Variants in CFAP210 observed in about 807,000 individuals in gnomAD.
CFAP210 encodes cilia and flagella associated protein 210.
the CFAP210 span, among the ~76,000 whole-genome samples, chr2:169,676,835 G>T: frequency 6.6e-6 from 1 of 152,116 alleles, no homozygotes; most frequent in Non-Finnish European, 1.5e-5. Flanking sequence ...CTGAGTTTAT[G>T]CCTATCTGTA....
the CFAP210 span, chr2:169,654,219 G>C: frequency 1.3e-6 from 2 of 1,558,588 alleles, no homozygotes; most frequent in Non-Finnish European, 1.7e-6. Flanking sequence ...ATGTTCCTTG[G>C]GGGAAAAATT....
At chr2:169,671,511 C>G in the CFAP210 span, among the ~76,000 whole-genome samples, 2 of 152,184 alleles carry the variant, frequency 1.3e-5, no homozygotes, top group Admixed American at 6.5e-5. Flanking sequence ...TCTTGTTGCC[C>G]AGGCTGGAGT....
chr2:169,676,637 T>C, the CFAP210 span, among the ~76,000 whole-genome samples: 1 of 152,300 alleles, frequency 6.6e-6, no homozygotes, highest in African/African-American at 2.4e-5. Flanking sequence ...ATGTTACATA[T>C]ATTAGTCCAT....
chr2:169,691,378 C>G, the CFAP210 span, among the ~76,000 whole-genome samples: 1 of 152,088 alleles, frequency 6.6e-6, no homozygotes. Context: ...TTTACAATAG[C>G]TATAAATTTA....
the CFAP210 span, among the ~76,000 whole-genome samples, chr2:169,688,175 G>A: frequency 1.3e-5 from 2 of 152,334 alleles, no homozygotes; most frequent in African/African-American, 4.8e-5. Context: ...GACAGGAGGG[G>A]CTGCTGTGAA....
At chr2:169,693,645 G>C in the CFAP210 span, among the ~76,000 whole-genome samples, 4,148 of 152,322 alleles carry the variant, frequency 0.027, 77 homozygotes, top group East Asian at 0.1. Flanking sequence ...TTCTTTAGAA[G>C]TCTATTTCTA....
the CFAP210 span, among the ~76,000 whole-genome samples, chr2:169,689,747 C>G: frequency 9.1e-4 from 138 of 152,278 alleles, 3 homozygotes; most frequent in East Asian, 0.026. Flanking sequence ...TTTCATAGGT[C>G]TCCTTCATCA....
chr2:169,676,580 C>T, the CFAP210 span, among the ~76,000 whole-genome samples: 13,283 of 152,120 alleles, frequency 0.087, 620 homozygotes, highest in South Asian at 0.12. Flanking sequence ...CTGGCAACCA[C>T]TGATCTGTTT....
the CFAP210 span, chr2:169,649,244 C>G: frequency 1.2e-3 from 1,863 of 1,613,804 alleles, 5 homozygotes; most frequent in Non-Finnish European, 1.4e-3. Flanking sequence ...CATTTTTTCT[C>G]CTTTTCATGT....
the CFAP210 span, among the ~76,000 whole-genome samples, chr2:169,675,701 T>C: frequency 4.6e-5 from 7 of 152,198 alleles, no homozygotes; most frequent in Admixed American, 1.3e-4. Flanking sequence ...ATCCAAACTA[T>C]ATCACCTTCC....
the CFAP210 span, among the ~76,000 whole-genome samples, chr2:169,669,156 G>T: frequency 1.3e-5 from 2 of 152,160 alleles, no homozygotes; most frequent in Non-Finnish European, 2.9e-5. Context: ...CTCTGAGCTG[G>T]TAAGAGGTCC....
At chr2:169,687,192 T>G in the CFAP210 span, among the ~76,000 whole-genome samples, 1 of 152,276 alleles carries the variant, frequency 6.6e-6, no homozygotes, top group East Asian at 1.9e-4. Context: ...GAGATTTGGG[T>G]GGGGACACAG....
the CFAP210 span, among the ~76,000 whole-genome samples, chr2:169,675,456 G>A: frequency 6.6e-6 from 1 of 152,170 alleles, no homozygotes; most frequent in African/African-American, 2.4e-5. Context: ...AGGCAAAGGG[G>A]GAGCAGGCAT....
the CFAP210 span, chr2:169,646,242 T>A: frequency 5.0e-6 from 6 of 1,206,202 alleles, no homozygotes; most frequent in Non-Finnish European, 7.1e-6. Context: ...ACTTTCTAAA[T>A]ATACATAGCA....
the CFAP210 span, chr2:169,645,848 G>A: frequency 1.9e-6 from 3 of 1,605,974 alleles, no homozygotes; most frequent in Non-Finnish European, 2.6e-6. Flanking sequence ...TTTCTACCAT[G>A]TAAAACCTAG....
At chr2:169,679,408 A>G in the CFAP210 span, among the ~76,000 whole-genome samples, 3 of 151,684 alleles carry the variant, frequency 2.0e-5, no homozygotes, top group Admixed American at 6.6e-5. Context: ...GGCTGGGCGC[A>G]GTGGCTCAGG....
chr2:169,665,054 T>C, the CFAP210 span, among the ~76,000 whole-genome samples: 7 of 152,098 alleles, frequency 4.6e-5, no homozygotes, highest in Non-Finnish European at 8.8e-5. Flanking sequence ...TCTTGATTGC[T>C]TTGGACAAAG....
At chr2:169,649,194 A>ATGGGCATC in the CFAP210 span, 3 of 1,609,596 alleles carry the variant, frequency 1.9e-6, no homozygotes, top group Non-Finnish European at 2.5e-6. Context: ...TTTGCTGAAT[A>ATGGGCATC]TGGGCATCTT....
the CFAP210 span, among the ~76,000 whole-genome samples, chr2:169,665,645 G>C: frequency 1.3e-5 from 2 of 152,346 alleles, no homozygotes; most frequent in African/African-American, 4.8e-5. Flanking sequence ...GCCTACAACA[G>C]AGAGGCTGAC....
Sources: gnomAD v4.1 joint callset for allele counts (sites outside exome capture counted in the v4.1 genomes callset) on GRCh38, gnomAD v4.1.1 for gene constraint, MANE v1.5 for transcripts, NCBI Gene and HGNC (gene_info 2026-07-23, HGNC 2026-07-21) for gene names.